The following MAP3K3 variants were observed in gnomAD, a reference collection of about 807,000 sequenced individuals.
The protein encoded by MAP3K3 is mitogen-activated protein kinase kinase kinase 3, also known as MAP/ERK kinase kinase 3.
Under a neutral mutation model 80.9 loss-of-function variants are expected in MAP3K3, and 12 were observed. The observed-to-expected ratio is 0.15, with a 90% CI of 0.10 to 0.24. The LOEUF (loss-of-function observed/expected upper bound fraction) is 0.24. MAP3K3 is among the 10% of genes least tolerant of loss of function. The pLI is 1.00. For missense variants in MAP3K3, 596 were observed against 834.7 expected, an observed-to-expected ratio of 0.71 and a Z score of 3.52; for synonymous variants, 272 against 307.1, an observed-to-expected ratio of 0.89 and a Z score of 1.19.
chr17:63,624,420 G>A (rs1312394480), intron 1 of MAP3K3, among the ~76,000 whole-genome samples: 2 of 152,174 alleles, frequency 1.3e-5, no homozygotes, highest in Non-Finnish European at 1.5e-5. Context: ...TGCTACACCA[G>A]TTAGAGTGCC....
At chr17:63,675,187 A>G (rs932175356) in intron 6 of MAP3K3, among the ~76,000 whole-genome samples, 9 of 152,202 alleles carry the variant, frequency 5.9e-5, no homozygotes, top group Non-Finnish European at 1.0e-4. Context: ...TGGAAATTCT[A>G]CCCACTACTG....
intron 3 of MAP3K3, among the ~76,000 whole-genome samples, chr17:63,652,011 T>G (rs1017139847): frequency 6.6e-6 from 1 of 152,220 alleles, no homozygotes; most frequent in Non-Finnish European, 1.5e-5. Context: ...TCTACCTTAT[T>G]TCCTAAATAA....
chr17:63,656,758 T>C (rs1316333950), intron 4 of MAP3K3, among the ~76,000 whole-genome samples: 1 of 152,220 alleles, frequency 6.6e-6, no homozygotes, highest in Non-Finnish European at 1.5e-5. Context: ...AGGGACCTTC[T>C]ATTTAATATT....
chr17:63,626,535 A>T (rs919950382), intron 1 of MAP3K3, among the ~76,000 whole-genome samples: 10 of 152,250 alleles, frequency 6.6e-5, no homozygotes, highest in African/African-American at 2.4e-4. Context: ...CCATCAATTA[A>T]TATTGAATGC....
intron 1 of MAP3K3, 112 bp from the exon 2 acceptor site, chr17:63,632,569 G>T: frequency 8.4e-7 from 1 of 1,189,462 alleles, no homozygotes; most frequent in African/African-American, 1.5e-5. Flanking sequence ...TAGTTACAGG[G>T]TCTGTCATTT....
In MAP3K3 at chr17:63,689,517, T is replaced by C. The variant is rs759502592; in HGVS notation, c.872-27T>C. ...CCTCGTAGCCTGGGGTGTGACTTGC[T>C]CTCCTCTGGCCCTTGCACCCTTTCA... On this transcript the variant is annotated intron_variant, in intron 10 of 15. Coordinates refer to ENST00000361733, the MANE Select transcript of MAP3K3 (RefSeq NM_002401.5). The surrounding 1 kb of genome is among the most constrained non-coding windows in gnomAD (Gnocchi z 4.3). 261 of 1,594,822 alleles carry C rather than the reference T, an allele frequency of 1.6e-4. No individual in the cohort carries two copies. Among genetic ancestry groups the C allele is most frequent in the Non-Finnish European group, 2.1e-4 (241 of 1,167,940 alleles).
intron 6 of MAP3K3, among the ~76,000 whole-genome samples, chr17:63,671,341 C>T (rs771406233): frequency 4.7e-5 from 7 of 149,868 alleles, no homozygotes; most frequent in Non-Finnish European, 8.9e-5. Context: ...CTGCAACCTC[C>T]GCCTCCCGGG....
In MAP3K3 at chr17:63,689,527, C is replaced by A; in HGVS notation, c.872-17C>A. On this transcript the variant is annotated splice_polypyrimidine_tract_variant and intron_variant, in intron 10 of 15. Transcript: ENST00000361733. This position sits in a 1 kb window ranked among gnomAD's most constrained non-coding sequence, Gnocchi z 4.3. ...TGGGGTGTGACTTGCTCTCCTCTGG[C>A]CCTTGCACCCTTTCAGGCAGAAGAA... is the stretch of plus-strand genomic sequence containing the variant. 2.5e-6 allele frequency: 4 copies of A among 1,606,754 alleles called. No homozygotes were observed. The highest frequency in any genetic ancestry group is 1.1e-5 in the South Asian group (1 of 89,770).
rs928142411 is a variant in MAP3K3 at position 63,696,279 on chromosome 17, T to A, written c.*2502T>A. 2 of 152,626 alleles carry A rather than the reference T, an allele frequency of 1.3e-5. No homozygotes were observed. The highest frequency in any genetic ancestry group is 4.8e-5 in the African/African-American group (2 of 41,428). The allele number at this position is 152,626 out of a possible 1,614,324, so 9.5% of individuals were successfully genotyped here. Reference sequence around the variant, plus strand: ...GCAAAGCCAGGCCAGTGTTGCGCATTACTTACAATAAAAGGGATCATTTAT... The same window carrying A: ...GCAAAGCCAGGCCAGTGTTGCGCATAACTTACAATAAAAGGGATCATTTAT... On this transcript the variant is annotated 3_prime_UTR_variant, in exon 16 of 16. Transcript: ENST00000361733.
At chr17:63,646,532 C>T (rs1218491454) in intron 3 of MAP3K3, among the ~76,000 whole-genome samples, 2 of 152,176 alleles carry the variant, frequency 1.3e-5, no homozygotes, top group Non-Finnish European at 2.9e-5. Flanking sequence ...TTCATGATGT[C>T]TCTAGGTCAT....
intron 6 of MAP3K3, among the ~76,000 whole-genome samples, chr17:63,677,319 C>T (rs1473348188): frequency 6.6e-6 from 1 of 152,196 alleles, no homozygotes; most frequent in Non-Finnish European, 1.5e-5. Flanking sequence ...ACAAATGTTG[C>T]TGACATGTGG....
At chr17:63,654,355 G>A (rs568079468) in intron 4 of MAP3K3, among the ~76,000 whole-genome samples, 6 of 128,556 alleles carry the variant, frequency 4.7e-5, no homozygotes, top group South Asian at 4.6e-4. Context: ...TTGACTAAGC[G>A]TATGTTTTCA....
chr17:63,673,954 T>C (rs2035163795), intron 6 of MAP3K3, among the ~76,000 whole-genome samples: 1 of 151,828 alleles, frequency 6.6e-6, no homozygotes. Flanking sequence ...GTCGTGCGCA[T>C]CTGTAATCCC....
chr17:63,690,121 A>G (rs2143622714), intron 11 of MAP3K3, 143 bp from the exon 12 acceptor site: 1 of 946,494 alleles, frequency 1.1e-6, no homozygotes, highest in Non-Finnish European at 1.6e-6. Context: ...GGCTTGCTCC[A>G]GATTGTGGTG....
chr17:63,639,077 A>G (rs796514153), intron 2 of MAP3K3, among the ~76,000 whole-genome samples: 6 of 152,310 alleles, frequency 3.9e-5, no homozygotes, highest in African/African-American at 1.2e-4. Flanking sequence ...GGAATCATGC[A>G]GTCTTACTGG....
intron 2 of MAP3K3, 151 bp from the exon 3 acceptor site, chr17:63,645,883 G>T (rs989927857): frequency 1.8e-5 from 12 of 659,246 alleles, no homozygotes; most frequent in Non-Finnish European, 3.5e-5. Context: ...GGAAAGGAAT[G>T]CCCATGCCCA....
intron 7 of MAP3K3, among the ~76,000 whole-genome samples, chr17:63,684,548 G>C (rs1427946105): frequency 1.3e-5 from 2 of 152,000 alleles, no homozygotes; most frequent in Non-Finnish European, 2.9e-5. Context: ...GATGGACCCT[G>C]GTATTAAATG....
rs76993127 is a variant in MAP3K3 at position 63,631,543 on chromosome 17, G to A, written c.5-1138G>A. On this transcript the variant is annotated intron_variant, in intron 1 of 15. Transcript: ENST00000361733. ...AACTCATCCCTCATGTTCCCTTCAC[G>A]ATCAACAGATTTATTCATTTTCAAT... Among the ~76,000 whole-genome samples, 133 of 152,222 alleles carry A rather than the reference G, an allele frequency of 8.7e-4. No individual in the cohort carries two copies. The East Asian group carries it at 0.024, about 27-fold the overall frequency.
chr17:63,622,879 C>T (rs1202165694), intron 1 of MAP3K3, 116 bp downstream of exon 1: 2 of 168,876 alleles, frequency 1.2e-5, no homozygotes, highest in Non-Finnish European at 2.5e-5. Context: ...CCGCCCGGCC[C>T]GGGGCTGCGG....
Sources: gnomAD v4.1 joint callset for allele counts (sites outside exome capture counted in the v4.1 genomes callset) on GRCh38, gnomAD v4.1.1 for gene constraint, Gnocchi (gnomAD v3.1) non-coding constraint, MANE v1.5 for transcripts, NCBI Gene and HGNC (gene_info 2026-07-23, HGNC 2026-07-21) for gene names.